DOT1L: variants seen among roughly 807,000 people sequenced by gnomAD.
DOT1L encodes the protein histone-lysine N-methyltransferase, H3 lysine-79 specific.
A neutral mutation model predicts 153.3 loss-of-function variants in DOT1L; 33 were observed. The ratio of observed to expected loss-of-function variants is 0.22; its 90% confidence interval spans 0.16 to 0.29. The LOEUF (loss-of-function observed/expected upper bound fraction) is 0.29, where lower values mean the gene tolerates loss of function less well. Among genes scored for constraint, DOT1L ranks in the 10% least tolerant of loss-of-function variants. The pLI is 1.00. For missense variants in DOT1L, 1,847 were observed against 2,119.9 expected, an observed-to-expected ratio of 0.87 and a Z score of 2.53; for synonymous variants, 1,135 against 965.1, an observed-to-expected ratio of 1.18 and a Z score of -3.26.
rs1055315493 is a variant in DOT1L at position 2,230,267 on chromosome 19, G to A, written c.*475G>A. ...GAAACGCCGCCCGGCCGGCTCCCCCGACGCGCTGCTCCCGTACCAAAGGCA... is the reference window on the plus strand; with the variant it reads ...GAAACGCCGCCCGGCCGGCTCCCCCAACGCGCTGCTCCCGTACCAAAGGCA... On this transcript the variant is annotated 3_prime_UTR_variant, in exon 28 of 28. Transcript: ENST00000398665. 8 of 427,220 alleles carry A rather than the reference G, an allele frequency of 1.9e-5. No homozygotes were observed. Among genetic ancestry groups the A allele is most frequent in the South Asian group, 7.6e-5 (1 of 13,242 alleles). The allele number at this position is 427,220 out of a possible 1,614,324, so 26.5% of individuals were successfully genotyped here.
At chr19:2,202,871 C>T in intron 9 of DOT1L, 92 bp downstream of exon 9, 2 of 1,345,676 alleles carry the variant, frequency 1.5e-6, no homozygotes, top group South Asian at 2.4e-5. Flanking sequence ...CAGAAGGCAG[C>T]TCAGACTTGG....
chr19:2,175,691 G>T lies in DOT1L; in HGVS notation c.82-5022G>T, dbSNP rs141196543. ...TAAAAATACAAAAAATTAGCCAGGC[G>T]TGGTGGCTGACGCCTATAATCCCAG... On this transcript the variant is annotated intron_variant, in intron 1 of 27. Coordinates refer to ENST00000398665, the MANE Select transcript of DOT1L (RefSeq NM_032482.3). Among the ~76,000 whole-genome samples the T allele has an allele frequency of 1.5e-4, 23 of 152,198 alleles. No homozygotes were observed. In the East Asian group the frequency reaches 4.1e-3, roughly 27 times the overall value.
At position 2,188,548 on chromosome 19, in the gene DOT1L, C is replaced by G. The variant is rs545905112; in HGVS notation, c.201-1184C>G. 3.3e-5 allele frequency among the ~76,000 whole-genome samples: 4 copies of G among 121,550 alleles called. No individual in the cohort carries two copies. In the South Asian group the frequency reaches 1.1e-3, roughly 34 times the overall value. The allele number at this position is 121,550 out of a possible 152,430, so 79.7% of individuals were successfully genotyped here. On this transcript the variant is annotated intron_variant, in intron 3 of 27. Transcript: ENST00000398665. ...CTGGGGATGTGGAAGTCGGATTGTT[C>G]TCTGGGAGGGGCCGTCCTGGGCACT... is the stretch of plus-strand genomic sequence containing the variant.
intron 27 of DOT1L, chr19:2,228,367 G>T: frequency 7.7e-7 from 1 of 1,305,910 alleles, no homozygotes; most frequent in South Asian, 1.3e-5. Context: ...TTAGCTAGCA[G>T]TGCGTATTGT....
intron 9 of DOT1L, 147 bp from the exon 10 acceptor site, chr19:2,206,582 C>G (rs1599586145): frequency 1.5e-6 from 1 of 662,476 alleles, no homozygotes; most frequent in East Asian, 2.9e-5. Context: ...GAAGGTGTTT[C>G]CTAGTGTTGC....
intron 7 of DOT1L, among the ~76,000 whole-genome samples, chr19:2,196,983 G>T (rs2023051196): frequency 6.6e-6 from 1 of 152,246 alleles, no homozygotes; most frequent in Non-Finnish European, 1.5e-5. Flanking sequence ...CCCCGTTGCT[G>T]TGATGGGTTT....
intron 27 of DOT1L, chr19:2,227,382 C>T (rs2024397393): frequency 2.8e-6 from 2 of 707,966 alleles, no homozygotes; most frequent in Admixed American, 2.0e-5. Flanking sequence ...GTGCGCAGGG[C>T]CACCAGAGCA....
At chr19:2,180,483 G>C (rs1429319757) in intron 1 of DOT1L, among the ~76,000 whole-genome samples, 1 of 152,192 alleles carries the variant, frequency 6.6e-6, no homozygotes, top group African/African-American at 2.4e-5. Context: ...CTCGCTGCCT[G>C]TAGTAGGACA....
chr19:2,231,515 A>AC lies in DOT1L; in HGVS notation c.*1728dup, dbSNP rs1376631901. 5.0e-6 allele frequency: 1 copy of AC among 198,344 alleles called. No homozygotes were observed. The highest frequency in any genetic ancestry group is 1.0e-5 in the Non-Finnish European group (1 of 96,370). 12.3% of individuals were successfully genotyped at this position (198,344 alleles called of 1,614,324 possible). ...CCCCCAGCCCCCAACAACCTCTCAGACCCCCACCCTCCAACATAGCTGAGT... is the reference window on the plus strand; with the variant it reads ...CCCCCAGCCCCCAACAACCTCTCAGACCCCCCACCCTCCAACATAGCTGAGT... On this transcript the variant is annotated 3_prime_UTR_variant, in exon 28 of 28. Transcript: ENST00000398665.
Position 2,213,878 on chromosome 19 carries a change from C to G in DOT1L, c.1689C>G (p.Asp563Glu). ...ELGVKALTYN[D>E]LIQAQKEISA... ...GTGTGAAGGCGCTGACCTACAACGA[C>G]CTGATTCAAGCGCAGAAGGAGATCT... Residue 563 changes from aspartate to glutamate, a missense_variant, in exon 18 of 28, where the codon GAC (aspartate) becomes GAG (glutamate). Transcript: ENST00000398665. 6.2e-7 allele frequency: 1 copy of G among 1,613,144 alleles called. No homozygotes were observed. The highest frequency in any genetic ancestry group is 8.5e-7 in the Non-Finnish European group (1 of 1,180,032).
chr19:2,191,600 C>T lies in DOT1L; in HGVS notation c.493+360C>T, dbSNP rs900791804. ...CGCTAGCCTGGGCCCCAGCCCGGGC[C>T]CCACCCACGGCTGCAGCCTGCCGCA... On this transcript the variant is annotated intron_variant, in intron 5 of 27. Coordinates refer to ENST00000398665, the MANE Select transcript of DOT1L (RefSeq NM_032482.3). This position sits in a 1 kb window ranked among gnomAD's most constrained non-coding sequence, Gnocchi z 6.8. Among the ~76,000 whole-genome samples the T allele has an allele frequency of 6.6e-6, 1 of 152,158 alleles. No individual in the cohort carries two copies. Among genetic ancestry groups the T allele is most frequent in the Non-Finnish European group, 1.5e-5 (1 of 68,020 alleles).
intron 3 of DOT1L, among the ~76,000 whole-genome samples, chr19:2,188,482 C>T (rs1201920631): frequency 2.6e-5 from 2 of 77,210 alleles, no homozygotes; most frequent in African/African-American, 1.4e-4. Flanking sequence ...CAGCCGCCGC[C>T]CCCCCCCCCC....
In DOT1L at chr19:2,193,702, C is replaced by T. The variant is rs760870688; in HGVS notation, c.507C>T (p.Val169=). The T allele has an allele frequency of 2.8e-5, 45 of 1,614,106 alleles. No homozygotes were observed. Among genetic ancestry groups the T allele is most frequent in the East Asian group, 4.5e-5 (2 of 44,882 alleles). Residue 169 remains valine (V), a synonymous_variant, in exon 6 of 28, where the codon GTC becomes GTT. Transcript: ENST00000398665. This position sits in a 1 kb window ranked among gnomAD's most constrained non-coding sequence, Gnocchi z 5.9. ...CTCTGATCATAGGTGTGGGCCAGGT[C>T]GTGCTCCAGGTTGCTGCTGCCACCA... The part of the protein sequence containing the change: ...FVDLGSGVGQ[V]VLQVAAATNC...
intron 26 of DOT1L, among the ~76,000 whole-genome samples, 174 bp from the exon 27 acceptor site, chr19:2,226,009 C>T (rs1366011201): frequency 2.0e-5 from 3 of 152,100 alleles, no homozygotes; most frequent in Non-Finnish European, 2.9e-5. Flanking sequence ...ATCTTGTCCC[C>T]TCCCGTCCCC....
rs1409806034 is a variant in DOT1L, at chr19:2,194,293, C to T, written c.589-222C>T. 2.6e-5 allele frequency among the ~76,000 whole-genome samples: 4 copies of T among 152,304 alleles called. No individual in the cohort carries two copies. The East Asian group carries it at 7.7e-4, about 29-fold the overall frequency. On this transcript the variant is annotated intron_variant, in intron 6 of 27. Transcript: ENST00000398665. Reference sequence around the variant, plus strand: ...TCACACCATTCTCCTGCCTCAGCCTCCCGAGTAGCTGGGACTACAGGCGCC... The same window carrying T: ...TCACACCATTCTCCTGCCTCAGCCTTCCGAGTAGCTGGGACTACAGGCGCC...
At chr19:2,164,389 C>G in intron 1 of DOT1L, 124 bp downstream of exon 1, 2 of 577,812 alleles carry the variant, frequency 3.5e-6, no homozygotes, top group Non-Finnish European at 2.5e-6. Flanking sequence ...CCCTGGACTC[C>G]ACTGTCGCTG....
rs981836470 is a variant in DOT1L at position 2,193,552 on chromosome 19, G to A, written c.494-137G>A. On this transcript the variant is annotated intron_variant, in intron 5 of 27. Transcript: ENST00000398665. This position sits in a 1 kb window ranked among gnomAD's most constrained non-coding sequence, Gnocchi z 5.9. ...GGATCCTGAGTGACCTTGGAGCATCGGATATGTGTGGAGACTGTGGCCTCC... is the reference window on the plus strand; with the variant it reads ...GGATCCTGAGTGACCTTGGAGCATCAGATATGTGTGGAGACTGTGGCCTCC... The A allele has an allele frequency of 1.4e-5, 10 of 699,262 alleles. No individual in the cohort carries two copies. The highest frequency in any genetic ancestry group is 3.8e-5 in the South Asian group (2 of 52,628). The allele number at this position is 699,262 out of a possible 1,614,324, so 43.3% of individuals were successfully genotyped here. A position where few individuals can be genotyped will look rare whatever the true frequency, so the allele number is the denominator to read the frequency against.
At chr19:2,202,600 G>A in intron 8 of DOT1L, 100 bp from the exon 9 acceptor site, 1 of 1,237,418 alleles carries the variant, frequency 8.1e-7, no homozygotes. Flanking sequence ...GGCGGGTGTG[G>A]GCAGGGCCTA....
intron 10 of DOT1L, 129 bp downstream of exon 10, chr19:2,206,926 C>G: frequency 1.1e-6 from 1 of 937,676 alleles, no homozygotes; most frequent in South Asian, 1.4e-5. Context: ...GTGGGGCTGT[C>G]CTGGGCAGTG....
Sources: allele counts gnomAD v4.1 joint callset (sites outside exome capture counted in the v4.1 genomes callset), GRCh38; gene constraint gnomAD v4.1.1; non-coding constraint Gnocchi (gnomAD v3.1); transcripts MANE v1.5; gene names NCBI Gene and HGNC (gene_info 2026-07-23, HGNC 2026-07-21).